COL12A1: variants seen among roughly 807,000 people sequenced by gnomAD.
The protein encoded by COL12A1 is collagen alpha-1(XII) chain.
COL12A1 carries 114 observed loss-of-function variants against 349.7 expected under a neutral mutation model. The ratio of observed to expected loss-of-function variants is 0.33; its 90% confidence interval spans 0.28 to 0.38. The LOEUF (loss-of-function observed/expected upper bound fraction) is 0.38. COL12A1 is among the 10% of genes least tolerant of loss of function. The probability of loss-of-function intolerance (pLI) is 1.00; values close to 1 mark genes in which losing one functional copy is unlikely to be tolerated. For missense variants in COL12A1, 3,284 were observed against 3,756.9 expected, an observed-to-expected ratio of 0.87 and a Z score of 3.29; for synonymous variants, 1,369 against 1,329.0, an observed-to-expected ratio of 1.03 and a Z score of -0.66.
intron 14 of COL12A1, among the ~76,000 whole-genome samples, chr6:75,159,400 GA>G (rs563286165): frequency 6.0e-4 from 87 of 145,720 alleles, no homozygotes; most frequent in Admixed American, 2.2e-3. Context: ...ACTATTAAAA[GA>G]AAAAAAGTTT....
rs557804521 is a variant in COL12A1, at chr6:75,183,295, G to A, written c.1646C>T (p.Thr549Met). 5.0e-6 allele frequency: 8 copies of A among 1,614,162 alleles called. No individual in the cohort carries two copies. The highest frequency in any genetic ancestry group is 4.5e-5 in the East Asian group (2 of 44,882). The part of the protein sequence containing the change: ...SNVPKVMILI[T>M]DGKSSDAFRD... ...GAAAGCATCTGATGATTTCCCATCC[G>A]TGATAAGAATCATGACCTTTGGCAC... The change falls in exon 10 of 66, where the codon ACG (threonine) becomes ATG (methionine). Residue 549 changes from threonine (T) to methionine (M), a missense_variant. Thr to Met is a moderately conservative substitution (Grantham distance 81, BLOSUM62 -1). Around this residue, in one of 2 missense-constraint regions of COL12A1, gnomAD observed 2,601 missense variants for 2,824.8 expected, o/e 0.92. Coordinates refer to ENST00000322507, the MANE Select transcript of COL12A1 (RefSeq NM_004370.6).
chr6:75,133,460 A>C, intron 33 of COL12A1, 38 bp from the exon 34 acceptor site: 2 of 1,578,984 alleles, frequency 1.3e-6, no homozygotes, highest in Non-Finnish European at 1.7e-6. Flanking sequence ...TTGACTTGAA[A>C]AATTTGTGAA....
chr6:75,142,294 A>G, intron 26 of COL12A1, 133 bp from the exon 27 acceptor site: 2 of 1,029,142 alleles, frequency 1.9e-6, no homozygotes, highest in Non-Finnish European at 2.8e-6. Context: ...TCCAATATAC[A>G]TGAGAATCCA....
chr6:75,194,577 G>T (rs368084995), intron 3 of COL12A1, among the ~76,000 whole-genome samples: 7 of 152,216 alleles, frequency 4.6e-5, no homozygotes, highest in African/African-American at 1.7e-4. Flanking sequence ...ATTCTGATCA[G>T]GTAAAAATAG....
chr6:75,121,457 G>A lies in COL12A1; in HGVS notation c.6947-16C>T. On this transcript the variant is annotated splice_polypyrimidine_tract_variant and intron_variant, in intron 43 of 65. Coordinates refer to ENST00000322507, the MANE Select transcript of COL12A1 (RefSeq NM_004370.6). Reference sequence around the variant, plus strand: ...CCTTTGCATACTGCAAAAAAAGAAAGCAGAGGAAGCCCCAAATCTCATGAA... The same window carrying A: ...CCTTTGCATACTGCAAAAAAAGAAAACAGAGGAAGCCCCAAATCTCATGAA... The A allele has an allele frequency of 6.6e-7, 1 of 1,521,796 alleles. No individual in the cohort carries two copies. The highest frequency in any genetic ancestry group is 8.9e-7 in the Non-Finnish European group (1 of 1,125,068). The allele number at this position is 1,521,796 out of a possible 1,614,324, so 94.3% of individuals were successfully genotyped here.
intron 13 of COL12A1, among the ~76,000 whole-genome samples, chr6:75,167,903 T>C (rs1768392764): frequency 6.6e-6 from 1 of 152,170 alleles, no homozygotes; most frequent in Non-Finnish European, 1.5e-5. Flanking sequence ...AAGATGCAAA[T>C]TAAAAATCAA....
At chr6:75,173,370 C>CTAT (rs991652676) in intron 13 of COL12A1, among the ~76,000 whole-genome samples, 6 of 151,910 alleles carry the variant, frequency 3.9e-5, no homozygotes, top group African/African-American at 1.5e-4. Flanking sequence ...CTCTTGATCA[C>CTAT]TATTATTATT....
chr6:75,202,218 C>T (rs1770564537), intron 2 of COL12A1, among the ~76,000 whole-genome samples: 3 of 152,236 alleles, frequency 2.0e-5, no homozygotes, highest in Non-Finnish European at 4.4e-5. Context: ...GCCGACTGAG[C>T]TCCCCACAAA....
At chr6:75,130,322 C>A in intron 36 of COL12A1, 89 bp from the exon 37 acceptor site, 1 of 1,285,364 alleles carries the variant, frequency 7.8e-7, no homozygotes, top group Non-Finnish European at 1.1e-6. Context: ...GTGTTTCATT[C>A]ACCATTCACT....
intron 37 of COL12A1, 149 bp downstream of exon 37, chr6:75,129,942 G>T: frequency 3.7e-6 from 3 of 803,612 alleles, no homozygotes; most frequent in South Asian, 1.9e-5. Flanking sequence ...AAGCACATTT[G>T]GGTGGTCCCA....
intron 60 of COL12A1, among the ~76,000 whole-genome samples, chr6:75,094,768 T>C (rs1200184788): frequency 6.6e-6 from 1 of 152,204 alleles, no homozygotes; most frequent in African/African-American, 2.4e-5. Context: ...TCATGTATTT[T>C]TCCATCTTAA....
At chr6:75,205,529 C>T (rs1339982496) in intron 1 of COL12A1, among the ~76,000 whole-genome samples, 2 of 152,122 alleles carry the variant, frequency 1.3e-5, no homozygotes, top group African/African-American at 4.8e-5. Flanking sequence ...GAACGGGATG[C>T]TTTGCGTGCA....
At chr6:75,200,776 C>T (rs917169880) in intron 2 of COL12A1, among the ~76,000 whole-genome samples, 1 of 151,300 alleles carries the variant, frequency 6.6e-6, no homozygotes, top group African/African-American at 2.4e-5. Flanking sequence ...ATATGGCTAC[C>T]AGAAAAAAAT....
Position 75,188,457 on chromosome 6 carries a change from T to G in COL12A1, c.902A>C (p.Asn301Thr). The G allele has an allele frequency of 6.2e-7, 1 of 1,613,616 alleles. No homozygotes were observed. The highest frequency in any genetic ancestry group is 8.5e-7 in the Non-Finnish European group (1 of 1,179,666). ...PSLNHVFNVA[N>T]FDAIVDIQNE... ...CTGAATATCCACAATTGCATCAAAGTTGGCCACATTGAAAACATGGTTCAG... is the reference window on the plus strand; with the variant it reads ...CTGAATATCCACAATTGCATCAAAGGTGGCCACATTGAAAACATGGTTCAG... Residue 301 changes from asparagine to threonine, a missense_variant, in exon 8 of 66, where the codon AAC becomes ACC. Asn to Thr is a moderately conservative substitution (Grantham distance 65). Around this residue, in one of 2 missense-constraint regions of COL12A1, gnomAD observed 2,601 missense variants for 2,824.8 expected, o/e 0.92. Transcript: ENST00000322507.
At chr6:75,196,662 T>G (rs975151468) in intron 2 of COL12A1, among the ~76,000 whole-genome samples, 2 of 152,192 alleles carry the variant, frequency 1.3e-5, no homozygotes, top group African/African-American at 4.8e-5. Flanking sequence ...ATGCAACAGA[T>G]GTTAATAGGA....
At chr6:75,189,488 AT>A in intron 6 of COL12A1, 63 bp downstream of exon 6, 1 of 1,580,622 alleles carries the variant, frequency 6.3e-7, no homozygotes, top group Non-Finnish European at 8.6e-7. Flanking sequence ...TAGGCAATGC[AT>A]CATTTCTTTC....
chr6:75,092,522 A>G (rs946357264), intron 60 of COL12A1, among the ~76,000 whole-genome samples: 1 of 152,128 alleles, frequency 6.6e-6, no homozygotes, highest in Admixed American at 6.5e-5. Context: ...TTTGTCTTTC[A>G]GTTATATATT....
intron 4 of COL12A1, 80 bp from the exon 5 acceptor site, chr6:75,191,840 T>TTTA: frequency 3.5e-6 from 3 of 852,936 alleles, no homozygotes; most frequent in African/African-American, 1.8e-5. Flanking sequence ...TATATTATAT[T>TTTA]AGTTTTTGTT....
chr6:75,139,146 T>C (rs1215493747), intron 27 of COL12A1, among the ~76,000 whole-genome samples, 185 bp from the exon 28 acceptor site: 1 of 152,246 alleles, frequency 6.6e-6, no homozygotes, highest in African/African-American at 2.4e-5. Flanking sequence ...GTGGATATAA[T>C]AGGTTATTAA....
Sources: allele counts gnomAD v4.1 joint callset (sites outside exome capture counted in the v4.1 genomes callset), GRCh38; gene constraint gnomAD v4.1.1; regional missense constraint gnomAD v4.1.1; transcripts MANE v1.5; gene names NCBI Gene and HGNC (gene_info 2026-07-23, HGNC 2026-07-21).